The following LCTL variants were observed in gnomAD, a reference collection of about 807,000 sequenced individuals.
The protein encoded by LCTL is lactase like.
Under a neutral mutation model 75.8 loss-of-function variants are expected in LCTL, and 76 were observed. The ratio of observed to expected loss-of-function variants is 1.00; its 90% CI spans 0.83 to 1.21. LCTL has a LOEUF of 1.21. Among genes scored for constraint, LCTL ranks in the 50% most tolerant of loss-of-function variants. The probability of loss-of-function intolerance (pLI) is 0.00; values close to 1 mark genes in which losing one functional copy is unlikely to be tolerated. For missense variants in LCTL, 670 were observed against 712.4 expected (o/e 0.94, Z 0.68); for synonymous variants, 271 against 268.8 (o/e 1.01, Z -0.08).
chr15:66,548,601 G>A lies in LCTL; in HGVS notation c.1593C>T (p.Pro531=), dbSNP rs778315569. The change falls in exon 13 of 13, where the codon CCC becomes CCT. Residue 531 remains proline (P), a synonymous_variant. Coordinates refer to ENST00000341509, the Ensembl canonical transcript of LCTL. ...TAACCATTTGCATGTGACTTAGCAAGGGCTCTGAAATGACAAAGAGAACGA... is the reference window on the plus strand; with the variant it reads ...TAACCATTTGCATGTGACTTAGCAAAGGCTCTGAAATGACAAAGAGAACGA... The A allele has an allele frequency of 4.5e-6, 7 of 1,569,524 alleles. No homozygotes were observed. In the Admixed American group the frequency reaches 8.3e-5, roughly 19 times the overall value.
At chr15:66,548,811 A>C in intron 12 of LCTL, 1 of 353,514 alleles carries the variant, frequency 2.8e-6, no homozygotes, top group Non-Finnish European at 5.2e-6. Context: ...ATTTCAGAAA[A>C]TATGGGATAA....
chr15:66,550,050 G>A lies in LCTL; in HGVS notation c.1579C>T (p.Leu527Phe), dbSNP rs376424809. The change falls in exon 12 of 13, where the codon CTT becomes TTT. Residue 527 changes from leucine (L) to phenylalanine (F), a missense_variant. By Grantham distance (22) the Leu-to-Phe change is conservative. Coordinates refer to ENST00000341509, the Ensembl canonical transcript of LCTL. ...AAATATACTGACTCACCTGCAGCAA[G>A]CATCTGATTGTTGATAGAGCAAGTT... The A allele has an allele frequency of 1.1e-4, 180 of 1,600,832 alleles. No individual in the cohort carries two copies. Among genetic ancestry groups the A allele is most frequent in the Non-Finnish European group, 1.3e-4 (155 of 1,173,994 alleles).
At chr15:66,553,032 C>A in exon 9 of LCTL, 1 of 1,561,004 alleles carries the variant, frequency 6.4e-7, no homozygotes. Flanking sequence ...CAGAATATAG[C>A]CATTTAGACC....
chr15:66,565,008 G>T (rs964504130), intron 1 of LCTL, among the ~76,000 whole-genome samples, 169 bp from the exon 3 acceptor site: 1 of 152,092 alleles, frequency 6.6e-6, no homozygotes, highest in African/African-American at 2.4e-5. Flanking sequence ...GCACGGTAGG[G>T]GAAGATATAT....
At chr15:66,565,410 G>T (rs778045059) in exon 1 of LCTL, 16 of 1,227,338 alleles carry the variant, frequency 1.3e-5, no homozygotes, top group Non-Finnish European at 1.6e-5. Context: ...AGCTGGCTCT[G>T]CAGGCCCCTG....
intron 8 of LCTL, among the ~76,000 whole-genome samples, chr15:66,554,074 G>A (rs919319311): frequency 2.6e-5 from 4 of 151,798 alleles, no homozygotes; most frequent in South Asian, 2.1e-4. Context: ...GGCAGATCAC[G>A]ATGTTTAGGA....
upstream of LCTL, among the ~76,000 whole-genome samples, chr15:66,565,704 A>C (rs1896008575): frequency 6.6e-6 from 1 of 152,174 alleles, no homozygotes; most frequent in African/African-American, 2.4e-5. Context: ...CTGAGGGGGC[A>C]GGTGGGAAAA....
In LCTL at chr15:66,552,183, A is replaced by T; in HGVS notation, c.1198-14T>A. The T allele has an allele frequency of 6.3e-7, 1 of 1,599,220 alleles. No individual in the cohort carries two copies. The highest frequency in any genetic ancestry group is 1.1e-5 in the South Asian group (1 of 87,608). On this transcript the variant is annotated splice_polypyrimidine_tract_variant and intron_variant, in intron 9 of 12. Transcript: ENST00000341509. ...ACCGTATTGAGTCTGAAAGTGAGTCATAGCAACAAATATCTTAAAAATTCT... is the reference window on the plus strand; with the variant it reads ...ACCGTATTGAGTCTGAAAGTGAGTCTTAGCAACAAATATCTTAAAAATTCT...
rs374077134 is a variant in LCTL at position 66,561,047 on chromosome 15, G to A, written c.664C>T (p.Arg222Cys). 1.5e-5 allele frequency: 24 copies of A among 1,614,004 alleles called. No individual in the cohort carries two copies. Among genetic ancestry groups the A allele is most frequent in the Middle Eastern group, 1.6e-4 (1 of 6,080 alleles). The change falls in exon 6 of 13, where the codon CGC becomes TGC. Residue 222 changes from arginine to cysteine, a missense_variant. Arg to Cys is a radical substitution (Grantham distance 180). Transcript: ENST00000341509. ...GCTGCCTTGTACAGGCCGGTGCCGC[G>A]GAGCTTCAGGCCCGGCGCATGGTGG...
At chr15:66,553,239 T>C (rs1159287284) in exon 9 of LCTL, 1 of 1,582,578 alleles carries the variant, frequency 6.3e-7, no homozygotes, top group Non-Finnish European at 8.6e-7. Flanking sequence ...TCTCCAGGCC[T>C]TGCTCTGCAC....
intron 2 of LCTL, 104 bp from the exon 4 acceptor site, chr15:66,564,102 A>G: frequency 1.3e-6 from 1 of 763,426 alleles, no homozygotes; most frequent in Non-Finnish European, 2.3e-6. Flanking sequence ...TGTAGCTGTT[A>G]GTGGGCAAGG....
exon 13 of LCTL, chr15:66,548,484 C>T (rs1194204290): frequency 6.5e-7 from 1 of 1,530,260 alleles, no homozygotes; most frequent in Non-Finnish European, 9.0e-7. Context: ...AATTGATAAT[C>T]CTGTCTCAGC....
At chr15:66,557,689 A>G (rs1417360124) in intron 8 of LCTL, 33 bp downstream of exon 9, 3 of 1,601,008 alleles carry the variant, frequency 1.9e-6, no homozygotes, top group Non-Finnish European at 2.6e-6. Context: ...AACTTGCCCT[A>G]GTATCTGCAG....
In LCTL at chr15:66,557,638, CT is replaced by C. The variant is rs1895769335; in HGVS notation, c.922+83del. On this transcript the variant is annotated intron_variant, in intron 8 of 12. Coordinates refer to ENST00000341509, the Ensembl canonical transcript of LCTL. ...GTACCTCACCCAGGCCCAGTGAGCT[CT>C]TCATCCCCCTGCCTTTTGCTTGTTT... The C allele has an allele frequency of 3.5e-6, 5 of 1,422,064 alleles. No individual in the cohort carries two copies. The East Asian group carries it at 1.1e-4, about 33-fold the overall frequency. The allele number at this position is 1,422,064 out of a possible 1,614,324, so 88.1% of individuals were successfully genotyped here. A position where few individuals can be genotyped will look rare whatever the true frequency, so the allele number is the denominator to read the frequency against.
intron 6 of LCTL, among the ~76,000 whole-genome samples, chr15:66,558,603 A>G (rs1895796861): frequency 6.6e-6 from 1 of 152,040 alleles, no homozygotes; most frequent in Admixed American, 6.6e-5. Context: ...AGACATGCAA[A>G]TCCATGGGCC....
rs779681942 is a variant in LCTL, at chr15:66,564,770, G to A, written c.188C>T (p.Pro63Leu). Residue 63 changes from proline to leucine, a missense_variant, in exon 2 of 13, where the codon CCT becomes CTT. Coordinates refer to ENST00000341509, the Ensembl canonical transcript of LCTL. ...GTGTGTGAAGACGTCCCAGATGCTA[G>A]GCCCTTTCCCGTCCTGGTCCCAGGC... 1.2e-4 allele frequency: 197 copies of A among 1,613,558 alleles called. No homozygotes were observed. Among genetic ancestry groups the A allele is most frequent in the South Asian group, 2.9e-4 (26 of 91,088 alleles).
At chr15:66,551,510 C>T (rs527605389) in intron 11 of LCTL, 152 bp downstream of exon 12, 1 of 632,826 alleles carries the variant, frequency 1.6e-6, no homozygotes, top group African/African-American at 1.8e-5. Context: ...CCATTCTAAG[C>T]AAATGAGTAA....
exon 9 of LCTL, chr15:66,553,138 T>G: frequency 6.2e-7 from 1 of 1,612,208 alleles, no homozygotes; most frequent in Non-Finnish European, 8.5e-7. Context: ...TTCCGTGATG[T>G]ACCGAGTAGT....
intron 8 of LCTL, among the ~76,000 whole-genome samples, chr15:66,554,954 A>G (rs1290058567): frequency 2.0e-5 from 3 of 152,202 alleles, no homozygotes; most frequent in Admixed American, 6.5e-5. Context: ...TTTGTACTTT[A>G]AAAAATTGGA....
Sources: allele counts gnomAD v4.1 joint callset (sites outside exome capture counted in the v4.1 genomes callset), GRCh38; gene constraint gnomAD v4.1.1; transcripts MANE v1.5; gene names NCBI Gene and HGNC (gene_info 2026-07-23, HGNC 2026-07-21).